TSNAXIP1: variants seen among roughly 807,000 people sequenced by gnomAD.
The protein encoded by TSNAXIP1 is translin associated factor X interacting protein 1, also known as translin-associated factor X-interacting protein 1.
A neutral mutation model predicts 84.8 loss-of-function variants in TSNAXIP1; 89 were observed. The ratio of observed to expected loss-of-function variants is 1.05; its 90% CI spans 0.88 to 1.25. TSNAXIP1 has a LOEUF of 1.25. Among genes scored for constraint, TSNAXIP1 ranks in the 50% most tolerant of loss-of-function variants. The pLI is 0.00. For synonymous variants in TSNAXIP1, 347 were observed against 335.2 expected, an observed-to-expected ratio of 1.04 and a Z score of -0.39; for missense variants, 874 against 887.6, an observed-to-expected ratio of 0.98 and a Z score of 0.20.
At chr16:67,818,297 T>G (rs1299673909) in intron 2 of TSNAXIP1, among the ~76,000 whole-genome samples, 1 of 151,980 alleles carries the variant, frequency 6.6e-6, no homozygotes, top group Non-Finnish European at 1.5e-5. Context: ...GGAAGACTGC[T>G]TGAGACCAGG....
intron 2 of TSNAXIP1, 146 bp downstream of exon 2, chr16:67,814,547 G>A (rs1006379025): frequency 1.3e-5 from 9 of 711,248 alleles, no homozygotes; most frequent in African/African-American, 7.0e-5. Flanking sequence ...GTTAGAGAGT[G>A]TGGCTCAGAG....
At chr16:67,809,609 C>G (rs1597973982) in intron 1 of TSNAXIP1, among the ~76,000 whole-genome samples, 2 of 150,318 alleles carry the variant, frequency 1.3e-5, no homozygotes, top group East Asian at 2.0e-4. Flanking sequence ...CTGGGAGACA[C>G]AGCAAGACTC....
At chr16:67,821,687 A>T (rs1231657381) in intron 4 of TSNAXIP1, among the ~76,000 whole-genome samples, 2 of 148,792 alleles carry the variant, frequency 1.3e-5, no homozygotes, top group African/African-American at 2.5e-5. Flanking sequence ...AGCATGAAAC[A>T]TCCCATGAAA....
chr16:67,813,694 T>A (rs2056304062), intron 1 of TSNAXIP1, among the ~76,000 whole-genome samples: 1 of 129,692 alleles, frequency 7.7e-6, no homozygotes, highest in Non-Finnish European at 1.5e-5. Flanking sequence ...ATCGCACCAC[T>A]GCACTCCAGC....
chr16:67,807,003 G>T lies in TSNAXIP1; in HGVS notation c.-147G>T, dbSNP rs904128024. ...TGCTACTTTGTCCTACTCCCAGCCC[G>T]CGGGCGCTAGGCTCGGGGGCGTGGC... On this transcript the variant is annotated 5_prime_UTR_variant, in exon 1 of 16. Coordinates refer to ENST00000561639, the MANE Select transcript of TSNAXIP1 (RefSeq NM_001288990.3). The T allele has an allele frequency of 3.0e-6, 4 of 1,320,732 alleles. No homozygotes were observed. The highest frequency in any genetic ancestry group is 2.8e-5 in the Admixed American group (1 of 35,630). The allele number at this position is 1,320,732 out of a possible 1,614,324, so 81.8% of individuals were successfully genotyped here.
rs562641068 is a variant in TSNAXIP1 at position 67,826,512 on chromosome 16, G to A, written c.1351G>A (p.Val451Met). 2.0e-5 allele frequency: 33 copies of A among 1,614,042 alleles called. No homozygotes were observed. Among genetic ancestry groups the A allele is most frequent in the Non-Finnish European group, 2.5e-5 (29 of 1,180,040 alleles). ...VENKKPSKKD[V>M]VNLLKDAWKE... The stretch of plus-strand genomic sequence containing the variant: ...GAACAAGAAGCCAAGCAAGAAGGAC[G>A]TGGTCAACCTCCTCAAGGATGCCTG... Residue 451 changes from valine to methionine, a missense_variant, in exon 11 of 16, where the codon GTG (valine) becomes ATG (methionine). By Grantham distance (21) the Val-to-Met change is conservative. Transcript: ENST00000561639.
Position 67,824,743 on chromosome 16 carries a change from CA to C in TSNAXIP1, c.647del (p.Lys216ArgfsTer12). 6.2e-7 allele frequency: 1 copy of C among 1,614,018 alleles called. No individual in the cohort carries two copies. The highest frequency in any genetic ancestry group is 8.5e-7 in the Non-Finnish European group (1 of 1,179,976). Reference sequence around the variant, plus strand: ...AGATGAACTTGCTAAAACTCATCGACAAAAAGAATGAGGAGAAGATTTCATT... The same window carrying C: ...AGATGAACTTGCTAAAACTCATCGACAAAAGAATGAGGAGAAGATTTCATT... ...EKMNLLKLID[K>X]KNEEKISLQS... On this transcript the variant is annotated frameshift_variant, in exon 6 of 16. Coordinates refer to ENST00000561639, the MANE Select transcript of TSNAXIP1 (RefSeq NM_001288990.3). LOFTEE classifies it high-confidence loss of function.
chr16:67,814,431 A>G, intron 2 of TSNAXIP1, 30 bp downstream of exon 2: 8 of 1,511,212 alleles, frequency 5.3e-6, no homozygotes, highest in Non-Finnish European at 6.2e-6. Flanking sequence ...TGGAACCCCA[A>G]ATGTCAGCCC....
chr16:67,821,913 C>T (rs912800655), intron 4 of TSNAXIP1, among the ~76,000 whole-genome samples: 2 of 150,542 alleles, frequency 1.3e-5, no homozygotes, highest in African/African-American at 4.9e-5. Flanking sequence ...TGAACCCAGG[C>T]GGCAGAGGTT....
intron 1 of TSNAXIP1, among the ~76,000 whole-genome samples, chr16:67,814,072 C>T (rs1193909109): frequency 1.3e-5 from 2 of 152,184 alleles, no homozygotes; most frequent in African/African-American, 4.8e-5. Context: ...TGTCCTGCTG[C>T]TGCAGTAGTT....
At position 67,807,188 on chromosome 16, in the gene TSNAXIP1, C is replaced by T; in HGVS notation, c.39C>T (p.Ser13=). 3 of 1,535,986 alleles carry T rather than the reference C, an allele frequency of 2.0e-6. No homozygotes were observed. Among genetic ancestry groups the T allele is most frequent in the Admixed American group, 2.0e-5 (1 of 50,982 alleles). ...AGTCGCGGTACCACAGCTTCTCGTCCGCGTCGAGGTAGGCGCTGGCAGGGA... is the reference window on the plus strand; with the variant it reads ...AGTCGCGGTACCACAGCTTCTCGTCTGCGTCGAGGTAGGCGCTGGCAGGGA... ...CQQSRYHSFS[S]ASRLQPRPSG... Residue 13 remains serine, a synonymous_variant, in exon 1 of 16, where the codon TCC becomes TCT. Transcript: ENST00000561639.
chr16:67,818,388 G>A (rs1254275306), intron 2 of TSNAXIP1, among the ~76,000 whole-genome samples: 1 of 152,056 alleles, frequency 6.6e-6, no homozygotes, highest in African/African-American at 2.4e-5. Flanking sequence ...ATGGTGGTGT[G>A]CCCATGTAGT....
chr16:67,812,194 T>C (rs2056147502), intron 1 of TSNAXIP1, among the ~76,000 whole-genome samples: 2 of 152,132 alleles, frequency 1.3e-5, no homozygotes, highest in Admixed American at 6.6e-5. Context: ...TTGGAATTAC[T>C]TCTTCCTTTT....
chr16:67,814,884 T>C (rs2056411382), intron 2 of TSNAXIP1, among the ~76,000 whole-genome samples: 1 of 152,108 alleles, frequency 6.6e-6, no homozygotes, highest in South Asian at 2.1e-4. Context: ...AATTGCTGAG[T>C]AGGTGTGTGA....
At chr16:67,817,347 A>C (rs1598033564) in intron 2 of TSNAXIP1, among the ~76,000 whole-genome samples, 1 of 124,518 alleles carries the variant, frequency 8.0e-6, no homozygotes, top group African/African-American at 3.1e-5. Context: ...TTTAGTAGAG[A>C]CGGGGTTTCA....
At chr16:67,823,964 A>G (rs1335552092) in intron 5 of TSNAXIP1, among the ~76,000 whole-genome samples, 1 of 134,192 alleles carries the variant, frequency 7.5e-6, no homozygotes, top group African/African-American at 2.9e-5. Context: ...GGTTGCAGTG[A>G]GTTGAGATCA....
chr16:67,814,461 C>T, intron 2 of TSNAXIP1, 60 bp downstream of exon 2: 2 of 1,371,920 alleles, frequency 1.5e-6, no homozygotes, highest in Non-Finnish European at 1.0e-6. Context: ...ATCCGTCTCC[C>T]TTCCTGCAAC....
chr16:67,827,878 A>T lies in TSNAXIP1; in HGVS notation c.2024A>T (p.Glu675Val). 1 of 1,614,124 alleles carries T rather than the reference A, an allele frequency of 6.2e-7. No individual in the cohort carries two copies. The highest frequency in any genetic ancestry group is 8.5e-7 in the Non-Finnish European group (1 of 1,180,034). Residue 675 changes from glutamate to valine, a missense_variant, in exon 16 of 16, where the codon GAG (glutamate) becomes GTG (valine). Physicochemically the swap from Glu to Val is moderately radical, Grantham distance 121. Transcript: ENST00000561639. ...CAGCTCCCTGAGTCGGAAATGCCAG[A>T]GGAGGGTGACGAGAAGGAAGAAGCC... ...AFQLPESEMP[E>V]EGDEKEEAVV...
intron 13 of TSNAXIP1, 60 bp from the exon 14 acceptor site, chr16:67,827,189 T>A: frequency 1.9e-6 from 3 of 1,610,594 alleles, no homozygotes; most frequent in Non-Finnish European, 2.5e-6. Context: ...TTTTGAGCAC[T>A]AGGGAGAGGC....
Sources: gnomAD v4.1 joint callset for allele counts (sites outside exome capture counted in the v4.1 genomes callset) on GRCh38, gnomAD v4.1.1 for gene constraint, MANE v1.5 for transcripts, NCBI Gene and HGNC (gene_info 2026-07-23, HGNC 2026-07-21) for gene names.